Variants in NLRP5 observed in about 807,000 individuals in gnomAD.
NLRP5 encodes the protein NLR family pyrin domain containing 5.
In NLRP5, 93 loss-of-function variants were observed where a neutral mutation model predicts 113.1. The ratio of observed to expected loss-of-function variants is 0.82; its 90% CI spans 0.70 to 0.98. The LOEUF is 0.98. Ranked by LOEUF, NLRP5 falls within the 50% of genes least tolerant of loss-of-function variation. The pLI is 0.00. For missense variants in NLRP5, 1,808 were observed against 1,514.3 expected, an observed-to-expected ratio of 1.19 and a Z score of -3.22; for synonymous variants, 751 against 600.7, an observed-to-expected ratio of 1.25 and a Z score of -3.66.
At chr19:56,024,755 C>T (rs1982773237) in intron 6 of NLRP5, among the ~76,000 whole-genome samples, 1 of 147,514 alleles carries the variant, frequency 6.8e-6, no homozygotes, top group Admixed American at 6.7e-5. Flanking sequence ...GCAACTGTGT[C>T]TCAAAAAAAA....
chr19:55,991,726 CCTTTTTCCA>C, the NLRP5 span, among the ~76,000 whole-genome samples: 4 of 152,144 alleles, frequency 2.6e-5, no homozygotes, highest in Non-Finnish European at 5.9e-5. Flanking sequence ...TTAATTTTCA[CCTTTTTCCA>C]CTTTTATACC....
intron 2 of NLRP5, among the ~76,000 whole-genome samples, chr19:56,006,915 A>AT (rs1440222586): frequency 3.3e-5 from 5 of 150,812 alleles, no homozygotes; most frequent in African/African-American, 1.2e-4. Context: ...AATTTTTTGT[A>AT]TTTTTAGTAG....
chr19:56,035,525 A>C (rs1175599495), intron 9 of NLRP5, among the ~76,000 whole-genome samples: 2 of 152,248 alleles, frequency 1.3e-5, no homozygotes, highest in Admixed American at 1.3e-4. Context: ...TCAAAGAATA[A>C]ATAAGATAGA....
intron 13 of NLRP5, among the ~76,000 whole-genome samples, chr19:56,057,903 C>G (rs1984214197): frequency 6.6e-6 from 1 of 151,624 alleles, no homozygotes; most frequent in South Asian, 2.1e-4. Flanking sequence ...GGCACGTGCC[C>G]ATAATCCCAG....
chr19:56,055,692 C>T (rs939257901), intron 13 of NLRP5, among the ~76,000 whole-genome samples: 30 of 151,560 alleles, frequency 2.0e-4, no homozygotes, highest in African/African-American at 7.0e-4. Context: ...ACTACAGGTG[C>T]CCGCCACCAC....
chr19:56,039,500 C>T (rs1440571731), intron 10 of NLRP5, among the ~76,000 whole-genome samples: 1 of 152,112 alleles, frequency 6.6e-6, no homozygotes, highest in Admixed American at 6.5e-5. Context: ...CCTGAGCTCT[C>T]GATCTTGGGT....
At chr19:56,000,841 A>T (rs1599874762) in intron 1 of NLRP5, among the ~76,000 whole-genome samples, 1 of 151,382 alleles carries the variant, frequency 6.6e-6, no homozygotes, top group South Asian at 2.1e-4. Flanking sequence ...CCCTGTCTCT[A>T]CTAAAAACAC....
rs1983888811 is a variant in NLRP5 at position 56,050,421 on chromosome 19, G to A, written c.2961G>A (p.Leu987=). 2 of 1,613,412 alleles carry A rather than the reference G, an allele frequency of 1.2e-6. No homozygotes were observed. The highest frequency in any genetic ancestry group is 8.5e-7 in the Non-Finnish European group (1 of 1,179,788). Reference sequence around the variant, plus strand: ...TTCCCATGTGTGTGCCCCACAGGCTGAATCAGTGCCACCTGGACACGGCTG... The same window carrying A: ...TTCCCATGTGTGTGCCCCACAGGCTAAATCAGTGCCACCTGGACACGGCTG... The change falls in exon 12 of 15, where the codon CTG becomes CTA. Residue 987 remains leucine, a synonymous_variant. Transcript: ENST00000390649.
chr19:55,995,973 A>G (rs79463084), upstream of NLRP5, among the ~76,000 whole-genome samples: 860 of 152,292 alleles, frequency 5.6e-3, 7 homozygotes, highest in African/African-American at 0.02. Context: ...AAATTTATCC[A>G]AAAATCAACA....
At chr19:56,036,792 A>C (rs1983334500) in intron 9 of NLRP5, among the ~76,000 whole-genome samples, 1 of 152,112 alleles carries the variant, frequency 6.6e-6, no homozygotes, top group Non-Finnish European at 1.5e-5. Flanking sequence ...CCCCGTCTCT[A>C]CTATAAATAC....
intron 5 of NLRP5, among the ~76,000 whole-genome samples, 182 bp from the exon 6 acceptor site, chr19:56,020,193 C>A (rs1471605202): frequency 4.0e-5 from 6 of 151,894 alleles, no homozygotes; most frequent in Non-Finnish European, 7.4e-5. Flanking sequence ...AGGACCCTCA[C>A]CCTCAAGCTT....
Position 56,033,589 on chromosome 19 carries a change from T to C in NLRP5, c.2495T>C (p.Ile832Thr). Residue 832 changes from isoleucine to threonine, a missense_variant, in exon 9 of 15, where the codon ATC (isoleucine) becomes ACC (threonine). Coordinates refer to ENST00000390649, the MANE Select transcript of NLRP5 (RefSeq NM_153447.4). ...CCTGGTGTGCAGCACCTCTGGAGAA[T>C]CGTCATGGCCAACCGTAACCTAAGA... 6.2e-7 allele frequency: 1 copy of C among 1,613,758 alleles called. No individual in the cohort carries two copies. Among genetic ancestry groups the C allele is most frequent in the Non-Finnish European group, 8.5e-7 (1 of 1,179,774 alleles).
intron 9 of NLRP5, among the ~76,000 whole-genome samples, chr19:56,035,718 C>T (rs1428679403): frequency 2.0e-5 from 3 of 152,144 alleles, no homozygotes; most frequent in Admixed American, 6.6e-5. Flanking sequence ...CCTGTATTCC[C>T]GGAACCTAGA....
intron 7 of NLRP5, among the ~76,000 whole-genome samples, chr19:56,029,857 C>G (rs997773844): frequency 6.6e-6 from 1 of 151,216 alleles, no homozygotes; most frequent in African/African-American, 2.4e-5. Context: ...GAGTTCGAGA[C>G]CAGCCTGGCC....
the NLRP5 span, among the ~76,000 whole-genome samples, chr19:55,989,788 C>A: frequency 1.3e-5 from 2 of 152,166 alleles, no homozygotes; most frequent in Non-Finnish European, 2.9e-5. Flanking sequence ...TTTTAATCGA[C>A]TCCTAAATGG....
chr19:55,995,356 T>TA (rs574335808), upstream of NLRP5, among the ~76,000 whole-genome samples: 323 of 152,214 alleles, frequency 2.1e-3, 1 homozygote, highest in African/African-American at 7.4e-3. Flanking sequence ...CTTAAAGTAT[T>TA]AAAAAAACTT....
chr19:56,005,107 A>AAAATATATATATAT (rs1173746273), intron 2 of NLRP5, among the ~76,000 whole-genome samples: 1 of 95,342 alleles, frequency 1.0e-5, no homozygotes, highest in African/African-American at 3.9e-5. Flanking sequence ...AAAAAAAAAA[A>AAAATATATATATAT]ATATATATAT....
chr19:56,059,867 G>A (rs1217602744), intron 14 of NLRP5, among the ~76,000 whole-genome samples: 15 of 152,174 alleles, frequency 9.9e-5, no homozygotes, highest in Admixed American at 9.8e-4. Context: ...TCTCAGTTGA[G>A]TAACTGTTTT....
chr19:56,037,408 G>T (rs1177286972), intron 9 of NLRP5, among the ~76,000 whole-genome samples: 1 of 151,982 alleles, frequency 6.6e-6, no homozygotes, highest in Non-Finnish European at 1.5e-5. Flanking sequence ...TGGAACGTTG[G>T]GTGGAGGCCG....
Sources: allele counts gnomAD v4.1 joint callset (sites outside exome capture counted in the v4.1 genomes callset), GRCh38; gene constraint gnomAD v4.1.1; transcripts MANE v1.5; gene names NCBI Gene and HGNC (gene_info 2026-07-23, HGNC 2026-07-21).